KLHL4: variants seen among roughly 807,000 people sequenced by gnomAD.
KLHL4 encodes kelch like family member 4, also known as kelch-like protein 4.
In KLHL4, 17 loss-of-function variants were observed where a neutral mutation model predicts 45.8. The observed-to-expected ratio is 0.37, with a 90% CI of 0.25 to 0.56. The LOEUF (loss-of-function observed/expected upper bound fraction) is 0.56, where lower values mean the gene tolerates loss of function less well. Among genes scored for constraint, KLHL4 ranks in the 20% least tolerant of loss-of-function variants. KLHL4 has a pLI of 0.79. For missense variants in KLHL4, 544 were observed against 544.9 expected (o/e 1.00, Z 0.02); for synonymous variants, 224 against 189.9 (o/e 1.18, Z -1.47).
intron 1 of KLHL4, among the ~76,000 whole-genome samples, chrX:87,598,848 A>T (rs1255308294): frequency 9.0e-6 from 1 of 110,934 alleles, no homozygotes; most frequent in Non-Finnish European, 1.9e-5. Context: ...AGAAGACTAG[A>T]AAAAATGCTA....
chrX:87,608,845 C>A (rs62608273), intron 1 of KLHL4, among the ~76,000 whole-genome samples: 41,285 of 109,586 alleles, frequency 0.38, 6,036 homozygotes, highest in Middle Eastern at 0.47. Context: ...ATGTGCCATG[C>A]TGGTGTGCTG....
At chrX:87,635,831 A>G in intron 9 of KLHL4, 56 bp downstream of exon 9, 3 of 894,864 alleles carry the variant, frequency 3.4e-6, no homozygotes, top group Non-Finnish European at 4.6e-6. Flanking sequence ...AATTTTTTAG[A>G]AATAGAAAGA....
At chrX:87,560,052 G>A (rs760912426) in intron 1 of KLHL4, among the ~76,000 whole-genome samples, 4 of 111,535 alleles carry the variant, frequency 3.6e-5, no homozygotes, top group Admixed American at 9.6e-5. Context: ...AATTTCGTAC[G>A]TAGCTAGTTG....
At chrX:87,519,265 ATCATATAGTAGT>A (rs1930954325) in intron 1 of KLHL4, among the ~76,000 whole-genome samples, 1 of 111,870 alleles carries the variant, frequency 8.9e-6, no homozygotes, top group African/African-American at 3.2e-5. Flanking sequence ...TGCATTTTAG[ATCATATAGTAGT>A]TCAACATGCT....
At chrX:87,579,486 A>T (rs1467248613) in intron 1 of KLHL4, among the ~76,000 whole-genome samples, 1 of 111,629 alleles carries the variant, frequency 9.0e-6, no homozygotes, top group Non-Finnish European at 1.9e-5. Context: ...GGAAATGGAC[A>T]TCTAGACTAG....
intron 1 of KLHL4, among the ~76,000 whole-genome samples, chrX:87,590,764 G>A (rs183260716): frequency 3.4e-4 from 38 of 111,796 alleles, no homozygotes; most frequent in Admixed American, 9.5e-4. Flanking sequence ...AAAAAATGAT[G>A]CTGAAAAAAC....
At chrX:87,573,240 G>A (rs1920996111) in intron 1 of KLHL4, among the ~76,000 whole-genome samples, 1 of 111,048 alleles carries the variant, frequency 9.0e-6, no homozygotes, top group Non-Finnish European at 1.9e-5. Flanking sequence ...ACAGATCCCT[G>A]GGCCATACTC....
At chrX:87,550,513 A>G (rs1441208878) in intron 1 of KLHL4, among the ~76,000 whole-genome samples, 1 of 111,604 alleles carries the variant, frequency 9.0e-6, no homozygotes, top group African/African-American at 3.2e-5. Flanking sequence ...TGATGAAGCC[A>G]GCATTACTCT....
At chrX:87,638,385 A>G (rs1430137265) in intron 9 of KLHL4, among the ~76,000 whole-genome samples, 1 of 111,872 alleles carries the variant, frequency 8.9e-6, no homozygotes, top group Non-Finnish European at 1.9e-5. Flanking sequence ...GCCTAGGCAC[A>G]TATTCATTTG....
intron 10 of KLHL4, 141 bp downstream of exon 10, chrX:87,665,076 T>A: frequency 2.4e-6 from 1 of 408,364 alleles, no homozygotes; most frequent in African/African-American, 2.5e-5. Flanking sequence ...GTGCTCTATC[T>A]ATGCCTTAGA....
At chrX:87,580,003 A>G (rs1310243560) in intron 1 of KLHL4, among the ~76,000 whole-genome samples, 1 of 112,280 alleles carries the variant, frequency 8.9e-6, no homozygotes, top group African/African-American at 3.2e-5. Context: ...CAAAAGTCTT[A>G]AGAATAACAA....
chrX:87,551,613 A>G (rs1039725724), intron 1 of KLHL4, among the ~76,000 whole-genome samples: 13 of 110,164 alleles, frequency 1.2e-4, no homozygotes, highest in Non-Finnish European at 5.8e-5. Context: ...ATAGATAGAA[A>G]TAGAAATCTT....
chrX:87,620,944 A>G (rs1466810327), intron 4 of KLHL4, among the ~76,000 whole-genome samples: 1 of 112,613 alleles, frequency 8.9e-6, no homozygotes, highest in Non-Finnish European at 1.9e-5. Flanking sequence ...GAGGGTCTTC[A>G]CCCAGAGACA....
At chrX:87,609,861 G>A (rs1303362672) in intron 1 of KLHL4, among the ~76,000 whole-genome samples, 1 of 111,085 alleles carries the variant, frequency 9.0e-6, no homozygotes. Context: ...TAAACAACCA[G>A]CTCCCACATA....
chrX:87,522,920 G>A (rs1437794902), intron 1 of KLHL4, among the ~76,000 whole-genome samples: 1 of 111,546 alleles, frequency 9.0e-6, no homozygotes, highest in Non-Finnish European at 1.9e-5. Context: ...ATATAATTAA[G>A]TTAACATTCA....
intron 5 of KLHL4, among the ~76,000 whole-genome samples, chrX:87,624,390 A>G (rs1171562047): frequency 8.9e-6 from 1 of 112,307 alleles, no homozygotes; most frequent in East Asian, 2.8e-4. Context: ...TGAATCTCTG[A>G]AGAGTATTTT....
chrX:87,547,152 T>A (rs1418445324), intron 1 of KLHL4, among the ~76,000 whole-genome samples: 1 of 111,368 alleles, frequency 9.0e-6, no homozygotes, highest in African/African-American at 3.3e-5. Context: ...TGGTTTGGCT[T>A]TGTGTCCCCA....
chrX:87,596,248 A>G (rs1338279888), intron 1 of KLHL4, among the ~76,000 whole-genome samples: 2 of 112,345 alleles, frequency 1.8e-5, no homozygotes, highest in Non-Finnish European at 3.8e-5. Context: ...ACATAGTGTC[A>G]GATAATTTTT....
chrX:87,551,575 A>G (rs989251668), intron 1 of KLHL4, among the ~76,000 whole-genome samples: 2 of 109,169 alleles, frequency 1.8e-5, no homozygotes, highest in Non-Finnish European at 3.8e-5. Flanking sequence ...AGACAGATAG[A>G]TAAATAGATA....
Sources: allele counts gnomAD v4.1 joint callset (sites outside exome capture counted in the v4.1 genomes callset), GRCh38; gene constraint gnomAD v4.1.1; transcripts MANE v1.5; gene names NCBI Gene and HGNC (gene_info 2026-07-23, HGNC 2026-07-21).